SEMA3A: variants seen among roughly 807,000 people sequenced by gnomAD.
SEMA3A encodes the protein semaphorin 3A, also known as semaphorin-3A.
In SEMA3A, 29 loss-of-function variants were observed where a neutral mutation model predicts 97.9. The observed-to-expected ratio is 0.30, with a 90% CI of 0.22 to 0.40. SEMA3A has a LOEUF of 0.40. Among genes scored for constraint, SEMA3A ranks in the 10% least tolerant of loss-of-function variants. The probability of loss-of-function intolerance (pLI) is 1.00; values close to 1 mark genes in which losing one functional copy is unlikely to be tolerated. For missense variants in SEMA3A, 763 were observed against 951.3 expected (o/e 0.80, Z 2.60); for synonymous variants, 321 against 323.7 (o/e 0.99, Z 0.09).
At chr7:83,989,483 A>T (rs1789798646) in intron 12 of SEMA3A, among the ~76,000 whole-genome samples, 1 of 118,072 alleles carries the variant, frequency 8.5e-6, no homozygotes, top group Non-Finnish European at 1.7e-5. Flanking sequence ...CCACCCCACC[A>T]CAGTCTCCAG....
At chr7:84,103,463 A>AT (rs771231027) in intron 4 of SEMA3A, among the ~76,000 whole-genome samples, 29 of 152,270 alleles carry the variant, frequency 1.9e-4, no homozygotes, top group Non-Finnish European at 2.4e-4. Context: ...TGCTTATTTC[A>AT]TTTTTTCACA....
chr7:84,160,652 G>GTGGA (rs1443517917), intron 1 of SEMA3A, among the ~76,000 whole-genome samples: 1 of 151,900 alleles, frequency 6.6e-6, no homozygotes, highest in Non-Finnish European at 1.5e-5. Flanking sequence ...GCCGAAGCAG[G>GTGGA]TGGATCACTT....
At chr7:84,379,493 A>T (rs1029458253) in intron 1 of SEMA3A, among the ~76,000 whole-genome samples, 6 of 152,182 alleles carry the variant, frequency 3.9e-5, no homozygotes, top group African/African-American at 1.4e-4. Context: ...ATTCCAAAGA[A>T]TTGAGGAAAC....
chr7:84,073,590 A>C (rs1793825833), intron 4 of SEMA3A, among the ~76,000 whole-genome samples: 1 of 152,176 alleles, frequency 6.6e-6, no homozygotes, highest in African/African-American at 2.4e-5. Flanking sequence ...TTTTAGTTGC[A>C]GAACAATAGC....
chr7:84,310,629 T>C (rs1801290167), intron 2 of SEMA3A, among the ~76,000 whole-genome samples: 1 of 152,118 alleles, frequency 6.6e-6, no homozygotes, highest in South Asian at 2.1e-4. Flanking sequence ...GTCTGCTAGT[T>C]CTTACGGGGC....
chr7:84,491,016 T>C (rs1806711102), intron 1 of SEMA3A, among the ~76,000 whole-genome samples: 1 of 152,204 alleles, frequency 6.6e-6, no homozygotes, highest in South Asian at 2.1e-4. Context: ...CCATCAGTAA[T>C]GTCAAATGCA....
chr7:84,112,432 AT>A (rs1795301723), intron 3 of SEMA3A, among the ~76,000 whole-genome samples: 1 of 152,118 alleles, frequency 6.6e-6, no homozygotes, highest in South Asian at 2.1e-4. Flanking sequence ...TATGCATGCA[AT>A]TTTTTCCACA....
chr7:84,337,549 G>A (rs1802067028), intron 2 of SEMA3A, among the ~76,000 whole-genome samples: 1 of 152,118 alleles, frequency 6.6e-6, no homozygotes, highest in Non-Finnish European at 1.5e-5. Flanking sequence ...TGAGCCAGAG[G>A]AGCATTGAGT....
intron 2 of SEMA3A, among the ~76,000 whole-genome samples, chr7:84,132,201 A>G (rs1795982527): frequency 6.6e-6 from 1 of 152,218 alleles, no homozygotes; most frequent in Non-Finnish European, 1.5e-5. Context: ...GGATGTTTTT[A>G]AAATTAGAAA....
intron 1 of SEMA3A, among the ~76,000 whole-genome samples, chr7:84,490,744 C>T (rs1030360933): frequency 4.6e-5 from 7 of 152,140 alleles, no homozygotes; most frequent in African/African-American, 1.7e-4. Flanking sequence ...AAATGCCATG[C>T]TGAAGTGAGG....
intron 6 of SEMA3A, 148 bp downstream of exon 6, chr7:84,046,176 T>G: frequency 2.5e-6 from 2 of 813,278 alleles, no homozygotes; most frequent in Non-Finnish European, 3.7e-6. Flanking sequence ...TTGCCGAACT[T>G]TCTCACACCC....
chr7:84,142,691 C>T (rs945571317), intron 1 of SEMA3A, among the ~76,000 whole-genome samples: 4 of 152,140 alleles, frequency 2.6e-5, no homozygotes, highest in Non-Finnish European at 1.5e-5. Flanking sequence ...TGTTTTTACA[C>T]AGTAATAACT....
At chr7:84,181,164 T>C (rs1797724237) in intron 1 of SEMA3A, among the ~76,000 whole-genome samples, 2 of 151,952 alleles carry the variant, frequency 1.3e-5, no homozygotes, top group African/African-American at 2.4e-5. Context: ...GTGTATGTTG[T>C]CTAGTAACAG....
Position 83,959,570 on chromosome 7 carries a change from C to T in SEMA3A, c.*1801G>A, listed in dbSNP as rs964079975. 3.3e-5 allele frequency: 5 copies of T among 151,986 alleles called. No individual in the cohort carries two copies. Among genetic ancestry groups the T allele is most frequent in the Admixed American group, 6.6e-5 (1 of 15,254 alleles). 9.4% of individuals were successfully genotyped at this position (151,986 alleles called of 1,614,324 possible). Reference sequence around the variant, plus strand: ...GTGGCAACAACTTGTTTATTCAAGGCAGTCATTAAAACTGAAACATGAGCT... The same window carrying T: ...GTGGCAACAACTTGTTTATTCAAGGTAGTCATTAAAACTGAAACATGAGCT... On this transcript the variant is annotated 3_prime_UTR_variant, in exon 17 of 17. Coordinates refer to ENST00000265362, the MANE Select transcript of SEMA3A (RefSeq NM_006080.3).
intron 3 of SEMA3A, among the ~76,000 whole-genome samples, chr7:84,228,305 A>C (rs1799038499): frequency 6.6e-6 from 1 of 152,144 alleles, no homozygotes; most frequent in Non-Finnish European, 1.5e-5. Flanking sequence ...AGGAGGCTAC[A>C]AATACCGTAC....
intron 7 of SEMA3A, among the ~76,000 whole-genome samples, chr7:84,012,318 C>T (rs1047989644): frequency 2.0e-5 from 3 of 152,100 alleles, no homozygotes; most frequent in East Asian, 1.9e-4. Context: ...ATGTTGCACA[C>T]AGTAAATATA....
chr7:84,194,029 T>C (rs1296951823), intron 1 of SEMA3A, among the ~76,000 whole-genome samples: 1 of 152,160 alleles, frequency 6.6e-6, no homozygotes, highest in African/African-American at 2.4e-5. Context: ...AAACTGAATA[T>C]TCATGATGAC....
At chr7:84,097,834 AATACCTATGGC>A (rs1319088760) in intron 4 of SEMA3A, among the ~76,000 whole-genome samples, 1 of 152,130 alleles carries the variant, frequency 6.6e-6, no homozygotes, top group Non-Finnish European at 1.5e-5. Flanking sequence ...ATGAAAGTTG[AATACCTATGGC>A]ATTCGATTTT....
At chr7:84,458,252 G>A (rs1319803217) in intron 1 of SEMA3A, among the ~76,000 whole-genome samples, 1 of 151,902 alleles carries the variant, frequency 6.6e-6, no homozygotes, top group Non-Finnish European at 1.5e-5. Context: ...TCCTTCTGTA[G>A]TTTTTTTGTA....
Sources: gnomAD v4.1 joint callset for allele counts (sites outside exome capture counted in the v4.1 genomes callset) on GRCh38, gnomAD v4.1.1 for gene constraint, MANE v1.5 for transcripts, NCBI Gene and HGNC (gene_info 2026-07-23, HGNC 2026-07-21) for gene names.